The following NLGN1 variants were observed in gnomAD, a reference collection of about 807,000 sequenced individuals.
The protein encoded by NLGN1 is neuroligin 1, also known as neuroligin-1.
A neutral mutation model predicts 65.5 loss-of-function variants in NLGN1; 12 were observed. The observed-to-expected ratio is 0.18, with a 90% CI of 0.12 to 0.30. The LOEUF (loss-of-function observed/expected upper bound fraction) is 0.30. Among genes scored for constraint, NLGN1 ranks in the 10% least tolerant of loss-of-function variants. The probability of loss-of-function intolerance (pLI) is 1.00; values close to 1 mark genes in which losing one functional copy is unlikely to be tolerated. For synonymous variants in NLGN1, 350 were observed against 359.5 expected (o/e 0.97, Z 0.30); for missense variants, 750 against 1,007.1 (o/e 0.74, Z 3.46).
At chr3:173,631,901 CT>C (rs34004494) in intron 3 of NLGN1, among the ~76,000 whole-genome samples, 30,348 of 151,014 alleles carry the variant, frequency 0.2, 3,538 homozygotes, top group African/African-American at 0.32. Flanking sequence ...TTAAAATGTT[CT>C]TTTTTTTTGT....
At chr3:173,684,799 C>G (rs1381791336) in intron 3 of NLGN1, among the ~76,000 whole-genome samples, 12 of 151,992 alleles carry the variant, frequency 7.9e-5, no homozygotes. Flanking sequence ...TATATTCATC[C>G]CAATTTAATA....
chr3:173,825,761 A>T (rs1721217537), intron 4 of NLGN1, among the ~76,000 whole-genome samples: 1 of 152,100 alleles, frequency 6.6e-6, no homozygotes, highest in South Asian at 2.1e-4. Flanking sequence ...TCAGATCCTA[A>T]CATGCTGGAG....
intron 4 of NLGN1, among the ~76,000 whole-genome samples, chr3:174,255,394 C>G (rs551507015): frequency 2.2e-5 from 3 of 136,390 alleles, no homozygotes; most frequent in Non-Finnish European, 4.5e-5. Context: ...CGAGATCGTG[C>G]CACTGCACTC....
chr3:174,041,107 A>G (rs1579945692), intron 4 of NLGN1, among the ~76,000 whole-genome samples: 1 of 152,184 alleles, frequency 6.6e-6, no homozygotes, highest in African/African-American at 2.4e-5. Flanking sequence ...CAAGATACAG[A>G]CCGTTGTCAT....
intron 4 of NLGN1, among the ~76,000 whole-genome samples, chr3:174,153,897 C>T (rs898114249): frequency 2.6e-4 from 39 of 152,158 alleles, no homozygotes; most frequent in African/African-American, 8.9e-4. Flanking sequence ...CTGAATTTCT[C>T]TCCTTTGACT....
chr3:173,988,799 A>G (rs1212615417), intron 4 of NLGN1, among the ~76,000 whole-genome samples: 2 of 151,900 alleles, frequency 1.3e-5, no homozygotes, highest in Non-Finnish European at 2.9e-5. Context: ...ACTTTTTCTT[A>G]TTAAATGTCC....
At chr3:174,196,145 C>G (rs1459606611) in intron 4 of NLGN1, among the ~76,000 whole-genome samples, 4 of 152,100 alleles carry the variant, frequency 2.6e-5, no homozygotes, top group African/African-American at 9.7e-5. Flanking sequence ...TTAGTACATT[C>G]ACTTAACAAG....
chr3:174,045,897 G>C (rs545492068), intron 4 of NLGN1, among the ~76,000 whole-genome samples: 177 of 152,228 alleles, frequency 1.2e-3, no homozygotes, highest in African/African-American at 4.1e-3. Context: ...TCAGTCCTCT[G>C]AAGTAATTTC....
intron 4 of NLGN1, among the ~76,000 whole-genome samples, chr3:174,069,461 T>C (rs1449548349): frequency 6.6e-6 from 1 of 152,110 alleles, no homozygotes; most frequent in Non-Finnish European, 1.5e-5. Context: ...ATGATCATAG[T>C]GGGAATGATA....
intron 3 of NLGN1, among the ~76,000 whole-genome samples, chr3:173,679,426 A>G (rs1763626447): frequency 6.6e-6 from 1 of 152,068 alleles, no homozygotes; most frequent in Admixed American, 6.6e-5. Context: ...GATTCGGGTT[A>G]TATGAATGGG....
chr3:173,465,622 T>C (rs926624938), intron 2 of NLGN1, among the ~76,000 whole-genome samples: 1 of 152,230 alleles, frequency 6.6e-6, no homozygotes, highest in African/African-American at 2.4e-5. Context: ...GTGAATGTTT[T>C]AGATTAGAGG....
chr3:173,813,218 G>A, intron 4 of NLGN1, among the ~76,000 whole-genome samples: 1 of 151,990 alleles, frequency 6.6e-6, no homozygotes, highest in East Asian at 1.9e-4. Context: ...GTGGTACAAT[G>A]TTTTGTCATT....
intron 4 of NLGN1, among the ~76,000 whole-genome samples, chr3:174,110,629 A>G (rs1413902662): frequency 1.3e-5 from 2 of 151,982 alleles, no homozygotes; most frequent in Non-Finnish European, 2.9e-5. Flanking sequence ...AAATATTCCA[A>G]TGTACAAAGA....
intron 2 of NLGN1, among the ~76,000 whole-genome samples, chr3:173,533,904 C>A (rs1164166618): frequency 6.6e-6 from 1 of 151,982 alleles, no homozygotes; most frequent in Non-Finnish European, 1.5e-5. Context: ...ATTGCTTGAG[C>A]CTAGGAGGTG....
intron 1 of NLGN1, among the ~76,000 whole-genome samples, chr3:173,432,197 A>C (rs1363459902): frequency 2.0e-5 from 3 of 152,204 alleles, no homozygotes; most frequent in Admixed American, 6.6e-5. Flanking sequence ...ACCTGTATGC[A>C]GGTTTCTATA....
At chr3:173,709,185 G>A (rs936334162) in intron 3 of NLGN1, among the ~76,000 whole-genome samples, 5 of 152,088 alleles carry the variant, frequency 3.3e-5, no homozygotes, top group African/African-American at 9.7e-5. Context: ...TCTCATTTGC[G>A]CTGTATCTAT....
chr3:174,014,562 G>T (rs1404425773), intron 4 of NLGN1, among the ~76,000 whole-genome samples: 1 of 152,022 alleles, frequency 6.6e-6, no homozygotes, highest in Non-Finnish European at 1.5e-5. Flanking sequence ...TCCCATATTA[G>T]GTTATATTGC....
At chr3:173,791,698 C>A (rs1461369498) in intron 3 of NLGN1, among the ~76,000 whole-genome samples, 1 of 151,766 alleles carries the variant, frequency 6.6e-6, no homozygotes, top group Non-Finnish European at 1.5e-5. Flanking sequence ...TATGCTACAC[C>A]CACACCCAAT....
intron 3 of NLGN1, among the ~76,000 whole-genome samples, chr3:173,681,670 C>A (rs1763965535): frequency 6.6e-6 from 1 of 152,162 alleles, no homozygotes; most frequent in African/African-American, 2.4e-5. Context: ...TAGACTCAGA[C>A]TGCTAGTAAC....
Sources: gnomAD v4.1 joint callset for allele counts (sites outside exome capture counted in the v4.1 genomes callset) on GRCh38, gnomAD v4.1.1 for gene constraint, MANE v1.5 for transcripts, NCBI Gene and HGNC (gene_info 2026-07-23, HGNC 2026-07-21) for gene names.